Variants in NELL1 observed in about 807,000 individuals in gnomAD.
The protein encoded by NELL1 is neural EGFL like 1, also known as protein kinase C-binding protein NELL1.
A neutral mutation model predicts 107.4 loss-of-function variants in NELL1; 76 were observed. The ratio of observed to expected loss-of-function variants is 0.71; its 90% CI spans 0.59 to 0.86. NELL1 has a LOEUF of 0.86. Among genes scored for constraint, NELL1 ranks in the 40% least tolerant of loss-of-function variants. The pLI, the probability that NELL1 is intolerant of heterozygous loss-of-function variation, is 0.00. For missense variants in NELL1, 1,024 were observed against 1,005.5 expected (o/e 1.02, Z -0.25); for synonymous variants, 353 against 341.2 (o/e 1.03, Z -0.38).
At chr11:20,863,015 C>T (rs1298631642) in intron 4 of NELL1, among the ~76,000 whole-genome samples, 4 of 152,290 alleles carry the variant, frequency 2.6e-5, no homozygotes, top group Non-Finnish European at 5.9e-5. Flanking sequence ...TCTACACAGA[C>T]ACAGCAACAA....
At chr11:21,444,050 A>G (rs1853357905) in intron 15 of NELL1, among the ~76,000 whole-genome samples, 3 of 152,178 alleles carry the variant, frequency 2.0e-5, no homozygotes, top group Admixed American at 2.0e-4. Context: ...CTCTGTATGT[A>G]TGTATACAAA....
At chr11:21,265,599 A>C (rs755409546) in intron 14 of NELL1, among the ~76,000 whole-genome samples, 1 of 152,026 alleles carries the variant, frequency 6.6e-6, no homozygotes, top group Non-Finnish European at 1.5e-5. Flanking sequence ...AACAATGTTT[A>C]TAATCATTGG....
chr11:21,091,219 A>AT (rs921570075), intron 12 of NELL1, among the ~76,000 whole-genome samples: 8 of 152,252 alleles, frequency 5.3e-5, no homozygotes, highest in African/African-American at 1.9e-4. Context: ...TATCTGGTAG[A>AT]TTTTACCCCC....
chr11:21,249,098 G>A (rs978165642), intron 14 of NELL1, among the ~76,000 whole-genome samples: 3 of 152,134 alleles, frequency 2.0e-5, no homozygotes, highest in Non-Finnish European at 4.4e-5. Context: ...ATCAGTTTCT[G>A]TCATTTTTTA....
intron 3 of NELL1, among the ~76,000 whole-genome samples, chr11:20,794,728 C>T (rs575192528): frequency 6.6e-6 from 1 of 152,096 alleles, no homozygotes; most frequent in Non-Finnish European, 1.5e-5. Flanking sequence ...AAATTTGATG[C>T]TGAGGGGAGA....
chr11:21,473,189 G>A (rs1854226685), intron 15 of NELL1, among the ~76,000 whole-genome samples: 1 of 152,026 alleles, frequency 6.6e-6, no homozygotes, highest in South Asian at 2.1e-4. Flanking sequence ...AGATAGGAGT[G>A]TTGGAGGGGT....
In NELL1 at chr11:20,758,881, G is replaced by T. The variant is rs114935013; in HGVS notation, c.185-24799G>T. 7.4e-3 allele frequency among the ~76,000 whole-genome samples: 1,122 copies of T among 152,262 alleles called. 11 individuals are homozygous for T. Among genetic ancestry groups the T allele is most frequent in the African/African-American group, 0.025 (1,057 of 41,546 alleles). On this transcript the variant is annotated intron_variant, in intron 2 of 19. Coordinates refer to ENST00000357134, the MANE Select transcript of NELL1 (RefSeq NM_006157.5). ...GAGTCTCTTCTATTAATAAGAATCTGTAACATTTTGTTCTTCTATTTTCTA... is the reference window on the plus strand; with the variant it reads ...GAGTCTCTTCTATTAATAAGAATCTTTAACATTTTGTTCTTCTATTTTCTA...
At chr11:21,208,281 A>G (rs1327306974) in intron 13 of NELL1, among the ~76,000 whole-genome samples, 4 of 151,974 alleles carry the variant, frequency 2.6e-5, no homozygotes, top group African/African-American at 9.7e-5. Flanking sequence ...AAAACATTCA[A>G]AAGTGCAAAA....
intron 2 of NELL1, among the ~76,000 whole-genome samples, chr11:20,700,015 C>A (rs1854732020): frequency 6.9e-6 from 1 of 145,222 alleles, no homozygotes. Flanking sequence ...TTTTAATTTT[C>A]ATTTCCCTGA....
At chr11:21,177,505 C>T (rs1333818715) in intron 13 of NELL1, among the ~76,000 whole-genome samples, 7 of 151,722 alleles carry the variant, frequency 4.6e-5, no homozygotes, top group South Asian at 2.1e-4. Context: ...TTTATCTAGT[C>T]GTCTGTTGAT....
intron 14 of NELL1, among the ~76,000 whole-genome samples, chr11:21,254,840 G>A (rs1057122260): frequency 6.6e-6 from 1 of 152,114 alleles, no homozygotes; most frequent in Non-Finnish European, 1.5e-5. Context: ...TGGCCACTGA[G>A]GGGATACAGT....
intron 13 of NELL1, among the ~76,000 whole-genome samples, chr11:21,206,679 G>C (rs541110744): frequency 9.9e-5 from 15 of 152,180 alleles, no homozygotes; most frequent in Admixed American, 2.6e-4. Flanking sequence ...ACTGATGAAG[G>C]GGGAGGAAAA....
At chr11:21,526,193 C>A (rs577602995) in intron 15 of NELL1, among the ~76,000 whole-genome samples, 1 of 152,300 alleles carries the variant, frequency 6.6e-6, no homozygotes, top group South Asian at 2.1e-4. Context: ...ACAGGCCCCA[C>A]ACAAGTCTGA....
At chr11:20,763,007 AC>A (rs1856455637) in intron 2 of NELL1, among the ~76,000 whole-genome samples, 1 of 152,092 alleles carries the variant, frequency 6.6e-6, no homozygotes, top group Non-Finnish European at 1.5e-5. Flanking sequence ...CGCCAACCTT[AC>A]TGGAAAGACA....
intron 2 of NELL1, among the ~76,000 whole-genome samples, chr11:20,755,562 GTT>G (rs869257918): frequency 3.8e-5 from 1 of 26,040 alleles, no homozygotes. Flanking sequence ...TTTTGTTTTT[GTT>G]TTTTTTTTTT....
intron 14 of NELL1, chr11:21,284,477 C>T (rs1440088984): frequency 1.3e-5 from 6 of 459,110 alleles, no homozygotes; most frequent in Admixed American, 2.3e-5. Flanking sequence ...GGGAGATGGT[C>T]TCTTCCTCCA....
At chr11:21,433,580 G>A (rs1280208967) in intron 15 of NELL1, among the ~76,000 whole-genome samples, 1 of 152,066 alleles carries the variant, frequency 6.6e-6, no homozygotes, top group Non-Finnish European at 1.5e-5. Flanking sequence ...TCTAACTGGG[G>A]TATGATGAGA....
chr11:21,329,434 C>T (rs909995082), intron 14 of NELL1, among the ~76,000 whole-genome samples: 2 of 152,078 alleles, frequency 1.3e-5, no homozygotes, highest in African/African-American at 2.4e-5. Flanking sequence ...ATAAATTACC[C>T]AGTCTTGAGT....
chr11:21,239,806 G>A (rs906741726), intron 14 of NELL1, among the ~76,000 whole-genome samples: 2 of 151,954 alleles, frequency 1.3e-5, no homozygotes, highest in African/African-American at 4.8e-5. Context: ...GGCTCTCTGG[G>A]ACCATCAGAC....
Sources: gnomAD v4.1 joint callset for allele counts (sites outside exome capture counted in the v4.1 genomes callset) on GRCh38, gnomAD v4.1.1 for gene constraint, MANE v1.5 for transcripts, NCBI Gene and HGNC (gene_info 2026-07-23, HGNC 2026-07-21) for gene names.